STARD13: variants seen among roughly 807,000 people sequenced by gnomAD.
STARD13 encodes the protein stAR-related lipid transfer protein 13.
A neutral mutation model predicts 106.4 loss-of-function variants in STARD13; 62 were observed. The ratio of observed to expected loss-of-function variants is 0.58; its 90% CI spans 0.48 to 0.72. The LOEUF (loss-of-function observed/expected upper bound fraction) is 0.72. STARD13 is among the 30% of genes least tolerant of loss of function. The pLI is 0.00. For synonymous variants in STARD13, 565 were observed against 553.0 expected, an observed-to-expected ratio of 1.02 and a Z score of -0.31; for missense variants, 1,387 against 1,424.0, an observed-to-expected ratio of 0.97 and a Z score of 0.42.
At chr13:33,545,220 A>G in the STARD13 span, among the ~76,000 whole-genome samples, 1 of 152,040 alleles carries the variant, frequency 6.6e-6, no homozygotes, top group Non-Finnish European at 1.5e-5. Flanking sequence ...TTGGCCTCTC[A>G]AAGTGCTGGG....
At chr13:33,216,785 T>C (rs911606779) in intron 1 of STARD13, among the ~76,000 whole-genome samples, 19 of 152,158 alleles carry the variant, frequency 1.2e-4, no homozygotes, top group African/African-American at 4.6e-4. Flanking sequence ...CTGACAACCA[T>C]AACTGAAGCA....
chr13:33,267,427 A>G (rs1327239167), intron 1 of STARD13, among the ~76,000 whole-genome samples: 1 of 152,042 alleles, frequency 6.6e-6, no homozygotes, highest in Non-Finnish European at 1.5e-5. Flanking sequence ...GAGAACTGAA[A>G]CCTTCCATTG....
chr13:33,467,553 A>G, the STARD13 span, among the ~76,000 whole-genome samples: 1 of 152,184 alleles, frequency 6.6e-6, no homozygotes, highest in Non-Finnish European at 1.5e-5. Context: ...TAAGCACAGC[A>G]GTAAGTCTCT....
intron 1 of STARD13, among the ~76,000 whole-genome samples, chr13:33,194,223 A>G (rs1886455063): frequency 6.6e-6 from 1 of 152,206 alleles, no homozygotes; most frequent in African/African-American, 2.4e-5. Flanking sequence ...CACATGCCTA[A>G]TACCATATTT....
the STARD13 span, among the ~76,000 whole-genome samples, chr13:33,487,656 C>G: frequency 6.6e-6 from 1 of 152,146 alleles, no homozygotes; most frequent in Non-Finnish European, 1.5e-5. Flanking sequence ...CTTCCTTGTT[C>G]AAAAGTGTTA....
chr13:33,586,887 C>A, the STARD13 span, among the ~76,000 whole-genome samples: 2 of 152,104 alleles, frequency 1.3e-5, no homozygotes, highest in African/African-American at 4.8e-5. Context: ...TGGTATGTGA[C>A]AGCAGTCATA....
chr13:33,196,788 C>T (rs576105126), intron 1 of STARD13, among the ~76,000 whole-genome samples: 2 of 152,180 alleles, frequency 1.3e-5, no homozygotes, highest in African/African-American at 4.8e-5. Flanking sequence ...TCCCTTACTC[C>T]TAGTACTGGC....
At chr13:33,421,941 T>C in the STARD13 span, among the ~76,000 whole-genome samples, 1 of 152,156 alleles carries the variant, frequency 6.6e-6, no homozygotes, top group Non-Finnish European at 1.5e-5. Context: ...TGATGGAACA[T>C]ATCTCAAAAT....
the STARD13 span, among the ~76,000 whole-genome samples, chr13:33,476,013 T>C: frequency 6.6e-6 from 1 of 151,984 alleles, no homozygotes; most frequent in Non-Finnish European, 1.5e-5. Flanking sequence ...AATGTTTAAA[T>C]GGTGTTTTTT....
chr13:33,367,754 G>A, the STARD13 span, among the ~76,000 whole-genome samples: 1 of 151,820 alleles, frequency 6.6e-6, no homozygotes, highest in African/African-American at 2.4e-5. Context: ...AAATCAATTA[G>A]AGGCAATTTT....
At chr13:33,364,123 C>A in the STARD13 span, among the ~76,000 whole-genome samples, 1 of 151,928 alleles carries the variant, frequency 6.6e-6, no homozygotes, top group Non-Finnish European at 1.5e-5. Flanking sequence ...TCCCCCCCAC[C>A]CCCAAATCTA....
chr13:33,310,383 T>C (rs1007041191), intron 1 of STARD13, among the ~76,000 whole-genome samples: 1 of 152,138 alleles, frequency 6.6e-6, no homozygotes, highest in Non-Finnish European at 1.5e-5. Context: ...TCTTTATAAG[T>C]GAAAGTTACA....
intron 1 of STARD13, among the ~76,000 whole-genome samples, chr13:33,310,323 A>C (rs1435526283): frequency 6.6e-6 from 1 of 152,226 alleles, no homozygotes; most frequent in Non-Finnish European, 1.5e-5. Flanking sequence ...ATATTTTACA[A>C]AATATTTTCA....
the STARD13 span, among the ~76,000 whole-genome samples, chr13:33,667,856 G>T: frequency 1.3e-5 from 2 of 152,194 alleles, no homozygotes; most frequent in African/African-American, 2.4e-5. Flanking sequence ...TCAGCCTAAA[G>T]GTTCCTCTGT....
intron 8 of STARD13, chr13:33,113,523 AG>A (rs1416412242): frequency 3.9e-6 from 2 of 513,374 alleles, no homozygotes; most frequent in Non-Finnish European, 7.8e-6. Flanking sequence ...CAGCTTCTCG[AG>A]GGGAAGCCTG....
At chr13:33,359,656 C>A in the STARD13 span, 1 of 152,046 alleles carries the variant, frequency 6.6e-6, no homozygotes, top group Non-Finnish European at 1.5e-5. Flanking sequence ...CAGAGCAAGA[C>A]TCCATCTCAA....
intron 7 of STARD13, among the ~76,000 whole-genome samples, chr13:33,123,077 A>AAAAAAAAAAAAC: frequency 6.6e-6 from 1 of 150,962 alleles, no homozygotes; most frequent in Non-Finnish European, 1.5e-5. Flanking sequence ...AAAAAAAAAA[A>AAAAAAAAAAAAC]AAGCAAGGAC....
At chr13:33,528,243 C>CATATATATATACATATATAT in the STARD13 span, among the ~76,000 whole-genome samples, 11 of 93,478 alleles carry the variant, frequency 1.2e-4, no homozygotes, top group African/African-American at 6.8e-4. Flanking sequence ...TATATATATA[C>CATATATATATACATATATAT]ATATATATAT....
intron 2 of STARD13, among the ~76,000 whole-genome samples, chr13:33,165,696 T>C (rs140994870): frequency 7.2e-5 from 11 of 152,348 alleles, no homozygotes; most frequent in African/African-American, 1.2e-4. Context: ...TATTACAGTC[T>C]TAGGTGGATG....
Sources: allele counts gnomAD v4.1 joint callset (sites outside exome capture counted in the v4.1 genomes callset), GRCh38; gene constraint gnomAD v4.1.1; transcripts MANE v1.5; gene names NCBI Gene and HGNC (gene_info 2026-07-23, HGNC 2026-07-21).